RAD51B: variants seen among roughly 807,000 people sequenced by gnomAD.
The protein encoded by RAD51B is RAD51 paralog B.
Under a neutral mutation model 42.2 loss-of-function variants are expected in RAD51B, and 38 were observed. That is an observed-to-expected ratio of 0.90 (90% CI 0.70 to 1.18). The LOEUF is 1.18. Among genes scored for constraint, RAD51B ranks in the 50% most tolerant of loss-of-function variants. RAD51B has a pLI of 0.00. For synonymous variants in RAD51B, 154 were observed against 145.2 expected (o/e 1.06, Z -0.43); for missense variants, 373 against 400.7 (o/e 0.93, Z 0.59).
At chr14:67,921,889 G>C (rs999477242) in intron 7 of RAD51B, among the ~76,000 whole-genome samples, 1 of 151,948 alleles carries the variant, frequency 6.6e-6, no homozygotes. Context: ...GTGTTTATGG[G>C]TGTGTGTGTG....
intron 10 of RAD51B, among the ~76,000 whole-genome samples, chr14:68,593,905 G>A (rs1373504339): frequency 1.3e-5 from 2 of 152,212 alleles, no homozygotes; most frequent in Admixed American, 1.3e-4. Flanking sequence ...AGACAGCTGA[G>A]CTCATCAGCC....
intron 11 of RAD51B, chr14:68,650,947 A>G (rs901957108): frequency 3.1e-6 from 2 of 641,078 alleles, no homozygotes; most frequent in South Asian, 1.7e-5. Context: ...TAGACCCAAG[A>G]ACCTCAAAAG....
chr14:68,545,576 G>A (rs577182288), intron 10 of RAD51B: 7 of 456,036 alleles, frequency 1.5e-5, no homozygotes, highest in South Asian at 1.1e-4. Flanking sequence ...GAAACATTTT[G>A]GAGACCCAAA....
chr14:68,092,124 A>C (rs2077111343), intron 7 of RAD51B, among the ~76,000 whole-genome samples: 1 of 152,238 alleles, frequency 6.6e-6, no homozygotes, highest in Non-Finnish European at 1.5e-5. Context: ...GTTTGAAGTC[A>C]GGTAGCATGA....
intron 8 of RAD51B, among the ~76,000 whole-genome samples, chr14:68,385,602 G>A (rs986384782): frequency 4.6e-5 from 7 of 152,182 alleles, no homozygotes; most frequent in South Asian, 2.1e-4. Flanking sequence ...CGAGCATCCA[G>A]TGATGACCCT....
chr14:68,332,752 A>AATAAAG (rs56401241), intron 8 of RAD51B, among the ~76,000 whole-genome samples: 100,308 of 151,428 alleles, frequency 0.66, 33,635 homozygotes, highest in Non-Finnish European at 0.73. Flanking sequence ...CAGAGAGAGA[A>AATAAAG]ATAAATATCT....
intron 7 of RAD51B, among the ~76,000 whole-genome samples, chr14:68,096,999 T>C (rs1456381630): frequency 1.3e-5 from 2 of 152,244 alleles, no homozygotes; most frequent in African/African-American, 2.4e-5. Context: ...CCTGACTTGA[T>C]AGTTAAATCT....
At chr14:68,537,152 A>C (rs1283931690) in intron 10 of RAD51B, among the ~76,000 whole-genome samples, 1 of 151,090 alleles carries the variant, frequency 6.6e-6, no homozygotes, top group East Asian at 2.0e-4. Context: ...ATAATAGCAC[A>C]TGTCCCTGAA....
chr14:67,995,336 G>A (rs1214347435), intron 7 of RAD51B, among the ~76,000 whole-genome samples: 3 of 151,906 alleles, frequency 2.0e-5, no homozygotes, highest in Non-Finnish European at 2.9e-5. Flanking sequence ...GCAGTGAGCC[G>A]AGATCACGCC....
intron 9 of RAD51B, among the ~76,000 whole-genome samples, chr14:68,425,162 G>A (rs973924735): frequency 1.3e-5 from 2 of 152,208 alleles, no homozygotes; most frequent in African/African-American, 2.4e-5. Flanking sequence ...GTTGTTCAAA[G>A]GCCAAGTATT....
intron 5 of RAD51B, among the ~76,000 whole-genome samples, chr14:67,874,856 G>T (rs2042674639): frequency 6.6e-6 from 1 of 151,996 alleles, no homozygotes; most frequent in Admixed American, 6.6e-5. Flanking sequence ...ACAATATATT[G>T]TCCGTATTAG....
chr14:67,939,647 A>G (rs145967914), intron 7 of RAD51B, among the ~76,000 whole-genome samples: 14 of 152,266 alleles, frequency 9.2e-5, no homozygotes, highest in Non-Finnish European at 1.6e-4. Flanking sequence ...TCAAATAACA[A>G]ACATTTATTT....
At chr14:67,824,884 C>T (rs575383933) in intron 2 of RAD51B, among the ~76,000 whole-genome samples, 2 of 151,360 alleles carry the variant, frequency 1.3e-5, no homozygotes, top group Admixed American at 6.6e-5. Context: ...CGAGACTAGC[C>T]TGGCCAATAT....
chr14:67,881,606 C>T (rs1036840521), intron 5 of RAD51B, among the ~76,000 whole-genome samples: 9 of 152,200 alleles, frequency 5.9e-5, no homozygotes, highest in Non-Finnish European at 8.8e-5. Context: ...TGTTTACTTT[C>T]CCTTTCTTGT....
chr14:68,373,488 A>G (rs917860093), intron 8 of RAD51B, among the ~76,000 whole-genome samples: 1 of 152,212 alleles, frequency 6.6e-6, no homozygotes, highest in African/African-American at 2.4e-5. Context: ...ATGAAGCTGG[A>G]AACCATCATT....
At chr14:68,223,993 T>G (rs559807817) in intron 7 of RAD51B, among the ~76,000 whole-genome samples, 2 of 152,202 alleles carry the variant, frequency 1.3e-5, no homozygotes, top group Admixed American at 6.5e-5. Flanking sequence ...CATGTTTTTT[T>G]GTTGTTCTTC....
At chr14:68,515,131 T>C (rs112538178) in intron 10 of RAD51B, among the ~76,000 whole-genome samples, 1,744 of 152,346 alleles carry the variant, frequency 0.011, 29 homozygotes, top group African/African-American at 0.038. Context: ...TTTTCAAATA[T>C]TAATTTTATG....
intron 7 of RAD51B, among the ~76,000 whole-genome samples, chr14:68,027,433 C>T (rs2075972653): frequency 6.6e-6 from 1 of 152,054 alleles, no homozygotes; most frequent in Non-Finnish European, 1.5e-5. Context: ...AAATATTTTC[C>T]AAGTTGCTTA....
chr14:68,228,271 C>T lies in RAD51B; in HGVS notation c.757-63613C>T, dbSNP rs1301935365. Among the ~76,000 whole-genome samples the T allele has an allele frequency of 3.9e-5, 6 of 152,048 alleles. No homozygotes were observed. In the East Asian group the frequency reaches 5.8e-4, roughly 15 times the overall value. ...TGGGAGCTAAAGATCATAATGGTTTCGGCCTTACTAGTATGATTAGCTTAG... is the reference window on the plus strand; with the variant it reads ...TGGGAGCTAAAGATCATAATGGTTTTGGCCTTACTAGTATGATTAGCTTAG... On this transcript the variant is annotated intron_variant, in intron 7 of 10. Transcript: ENST00000471583.
Sources: gnomAD v4.1 joint callset for allele counts (sites outside exome capture counted in the v4.1 genomes callset) on GRCh38, gnomAD v4.1.1 for gene constraint, MANE v1.5 for transcripts, NCBI Gene and HGNC (gene_info 2026-07-23, HGNC 2026-07-21) for gene names.